Variants in PPP1R9A observed in about 807,000 individuals in gnomAD.
PPP1R9A encodes protein phosphatase 1 regulatory subunit 9A.
PPP1R9A carries 59 observed loss-of-function variants against 141.9 expected under a neutral mutation model. That is an observed-to-expected ratio of 0.42 (90% CI 0.34 to 0.52). PPP1R9A has a LOEUF of 0.52. Ranked by LOEUF, PPP1R9A falls within the 20% of genes least tolerant of loss-of-function variation. The pLI, the probability that PPP1R9A is intolerant of heterozygous loss-of-function variation, is 0.10. For missense variants in PPP1R9A, 1,444 were observed against 1,611.9 expected, an observed-to-expected ratio of 0.90 and a Z score of 1.78; for synonymous variants, 500 against 569.7, an observed-to-expected ratio of 0.88 and a Z score of 1.74.
At chr7:95,217,062 G>T (rs1330283408) in intron 7 of PPP1R9A, among the ~76,000 whole-genome samples, 1 of 152,132 alleles carries the variant, frequency 6.6e-6, no homozygotes, top group African/African-American at 2.4e-5. Flanking sequence ...CAAAGGGAAG[G>T]CTTCCAGTTT....
chr7:95,107,234 T>G (rs1819666869), intron 2 of PPP1R9A, among the ~76,000 whole-genome samples: 1 of 152,222 alleles, frequency 6.6e-6, no homozygotes, highest in African/African-American at 2.4e-5. Flanking sequence ...AATTCTCAAT[T>G]TCCTTTACCT....
rs371184126 is a variant in PPP1R9A, at chr7:95,274,066, C to T, written c.3213-19C>T. On this transcript the variant is annotated intron_variant, in intron 15 of 19. Coordinates refer to ENST00000433360, the MANE Select transcript of PPP1R9A (RefSeq NM_001166160.2). ...GAAAATTTCAGCTTCCCCTTTCTGA[C>T]TGCTTACTATCATTACAGGGCGCCT... 1.8e-5 allele frequency: 27 copies of T among 1,537,618 alleles called. No homozygotes were observed. In the African/African-American group the frequency reaches 2.2e-4, roughly 12 times the overall value.
intron 12 of PPP1R9A, among the ~76,000 whole-genome samples, chr7:95,268,140 C>A (rs545213040): frequency 5.0e-4 from 76 of 152,244 alleles, no homozygotes; most frequent in Admixed American, 2.0e-3. Context: ...TGTAGTTGAA[C>A]TGGAAACCTG....
intron 4 of PPP1R9A, among the ~76,000 whole-genome samples, chr7:95,131,677 G>C (rs1414177347): frequency 6.6e-6 from 1 of 151,482 alleles, no homozygotes; most frequent in African/African-American, 2.4e-5. Context: ...GTAGGTGCTG[G>C]AATCTATCTG....
At chr7:95,208,956 T>TAAAAAAAAAAAAAAAAAAAAAAAA (rs10670515) in intron 7 of PPP1R9A, among the ~76,000 whole-genome samples, 4 of 76,884 alleles carry the variant, frequency 5.2e-5, no homozygotes, top group Non-Finnish European at 7.1e-5. Flanking sequence ...ATAGCAAAAC[T>TAAAAAAAAAAAAAAAAAAAAAAAA]AAAAAAAAAA....
At chr7:95,142,876 G>A (rs1826954154) in intron 4 of PPP1R9A, among the ~76,000 whole-genome samples, 1 of 151,830 alleles carries the variant, frequency 6.6e-6, no homozygotes, top group Admixed American at 6.6e-5. Context: ...TGCATTTTGT[G>A]TATATTATGT....
chr7:95,091,148 ATGT>A (rs1281934748), intron 2 of PPP1R9A, among the ~76,000 whole-genome samples: 6 of 151,414 alleles, frequency 4.0e-5, no homozygotes, highest in Middle Eastern at 3.4e-3. Context: ...TTTTAAAGTA[ATGT>A]TGTGATTAAT....
intron 9 of PPP1R9A, 62 bp from the exon 10 acceptor site, chr7:95,249,964 A>G: frequency 6.7e-7 from 1 of 1,481,710 alleles, no homozygotes; most frequent in Non-Finnish European, 8.9e-7. Context: ...TGCTATAAAA[A>G]TGAGAGATTT....
intron 2 of PPP1R9A, among the ~76,000 whole-genome samples, chr7:95,080,098 C>T (rs2152275050): frequency 6.6e-6 from 1 of 152,206 alleles, no homozygotes. Flanking sequence ...GGCAATTAGG[C>T]AGGAGAAGGA....
intron 2 of PPP1R9A, among the ~76,000 whole-genome samples, chr7:94,958,379 T>C (rs1009314052): frequency 3.3e-5 from 5 of 152,064 alleles, no homozygotes; most frequent in East Asian, 1.9e-4. Context: ...TTAGAACTTA[T>C]AGGTTCCAGG....
chr7:95,217,790 T>C (rs930767882), intron 7 of PPP1R9A, among the ~76,000 whole-genome samples: 1 of 152,230 alleles, frequency 6.6e-6, no homozygotes, highest in East Asian at 1.9e-4. Flanking sequence ...GATGGTAGTT[T>C]GTATTTCTGT....
intron 4 of PPP1R9A, among the ~76,000 whole-genome samples, chr7:95,135,496 G>T (rs924189762): frequency 2.6e-5 from 4 of 151,804 alleles, no homozygotes; most frequent in African/African-American, 9.7e-5. Flanking sequence ...GACATTTTTT[G>T]ATCTAGTTTG....
intron 12 of PPP1R9A, among the ~76,000 whole-genome samples, chr7:95,266,625 A>G (rs1174802013): frequency 1.3e-5 from 2 of 152,096 alleles, no homozygotes; most frequent in African/African-American, 4.8e-5. Flanking sequence ...CAGGAGAGAA[A>G]AAAAATACTT....
chr7:95,194,175 TC>T (rs1835902762), intron 5 of PPP1R9A, among the ~76,000 whole-genome samples: 2 of 152,042 alleles, frequency 1.3e-5, no homozygotes, highest in African/African-American at 4.8e-5. Flanking sequence ...GATATAAGCT[TC>T]TGAATTGCTT....
chr7:94,920,605 T>A (rs1277870211), intron 2 of PPP1R9A, among the ~76,000 whole-genome samples: 2 of 152,226 alleles, frequency 1.3e-5, no homozygotes, highest in Non-Finnish European at 2.9e-5. Flanking sequence ...TGCTCACAGA[T>A]CTGTTAGTCT....
intron 4 of PPP1R9A, among the ~76,000 whole-genome samples, chr7:95,140,711 G>A (rs1004307125): frequency 6.6e-6 from 1 of 151,860 alleles, no homozygotes; most frequent in African/African-American, 2.4e-5. Flanking sequence ...AGTAGTTTTA[G>A]TTTTTATTTT....
intron 2 of PPP1R9A, among the ~76,000 whole-genome samples, chr7:94,999,345 A>C (rs930719750): frequency 2.0e-5 from 3 of 152,198 alleles, no homozygotes; most frequent in East Asian, 3.9e-4. Flanking sequence ...CTGCTTCATC[A>C]GTATGGCCTA....
chr7:94,930,618 G>A, intron 2 of PPP1R9A, among the ~76,000 whole-genome samples: 1 of 152,142 alleles, frequency 6.6e-6, no homozygotes, highest in East Asian at 1.9e-4. Flanking sequence ...GGGATTACAG[G>A]CGTGAACCAC....
chr7:95,262,111 G>A (rs967133190), intron 12 of PPP1R9A, among the ~76,000 whole-genome samples: 1 of 152,152 alleles, frequency 6.6e-6, no homozygotes, highest in Non-Finnish European at 1.5e-5. Context: ...TTTTGATTGA[G>A]AAACTGATTA....
Sources: gnomAD v4.1 joint callset for allele counts (sites outside exome capture counted in the v4.1 genomes callset) on GRCh38, gnomAD v4.1.1 for gene constraint, MANE v1.5 for transcripts, NCBI Gene and HGNC (gene_info 2026-07-23, HGNC 2026-07-21) for gene names.